Variants in KLF8 observed in about 807,000 individuals in gnomAD.
KLF8 encodes KLF transcription factor 8.
KLF8 carries 10 observed loss-of-function variants against 18.2 expected under a neutral mutation model. That is an observed-to-expected ratio of 0.55 (90% CI 0.34 to 0.93). The LOEUF is 0.93. KLF8 is among the 40% of genes least tolerant of loss of function. The pLI, the probability that KLF8 is intolerant of heterozygous loss-of-function variation, is 0.02. For missense variants in KLF8, 264 were observed against 277.9 expected, an observed-to-expected ratio of 0.95 and a Z score of 0.36; for synonymous variants, 109 against 97.3, an observed-to-expected ratio of 1.12 and a Z score of -0.71.
chrX:55,939,924 C>A, the KLF8 span, among the ~76,000 whole-genome samples: 1 of 111,850 alleles, frequency 8.9e-6, no homozygotes, highest in African/African-American at 3.2e-5. Context: ...CAGATGGATT[C>A]ACAGCCGAAT....
At chrX:56,195,049 G>T in the KLF8 span, among the ~76,000 whole-genome samples, 3 of 111,959 alleles carry the variant, frequency 2.7e-5, no homozygotes, top group East Asian at 2.8e-4. Context: ...CAACAAAAAG[G>T]TCATCTACAT....
chrX:56,084,140 G>A, the KLF8 span, among the ~76,000 whole-genome samples: 1 of 111,525 alleles, frequency 9.0e-6, no homozygotes, highest in African/African-American at 3.3e-5. Flanking sequence ...TAGCACTTTG[G>A]AAGGCTGAAG....
At chrX:56,083,272 T>C in the KLF8 span, among the ~76,000 whole-genome samples, 3 of 112,300 alleles carry the variant, frequency 2.7e-5, no homozygotes, top group African/African-American at 6.5e-5. Context: ...ACAAAAGTTA[T>C]GAGGTTCATT....
At chrX:56,053,544 G>GTTTTTTTTTTT in the KLF8 span, among the ~76,000 whole-genome samples, 6 of 68,696 alleles carry the variant, frequency 8.7e-5, 1 homozygote, top group East Asian at 4.4e-4. Context: ...TCTTTTCTTT[G>GTTTTTTTTTTT]TTTTTTTTTT....
At chrX:56,211,364 C>A in the KLF8 span, among the ~76,000 whole-genome samples, 1 of 112,623 alleles carries the variant, frequency 8.9e-6, no homozygotes, top group African/African-American at 3.2e-5. Flanking sequence ...TCTTCCCTTA[C>A]TTTCTCCCAA....
chrX:55,975,603 C>T, the KLF8 span, among the ~76,000 whole-genome samples: 40 of 111,004 alleles, frequency 3.6e-4, no homozygotes, highest in African/African-American at 9.2e-4. Flanking sequence ...TCTCATGTTT[C>T]GCAAAATAGT....
At chrX:56,199,150 A>G in the KLF8 span, among the ~76,000 whole-genome samples, 1 of 112,193 alleles carries the variant, frequency 8.9e-6, no homozygotes, top group African/African-American at 3.2e-5. Context: ...AAGAAAACCT[A>G]GGCAATACCA....
chrX:56,234,410 T>A, intron 1 of KLF8, among the ~76,000 whole-genome samples: 1 of 112,000 alleles, frequency 8.9e-6, no homozygotes, highest in Non-Finnish European at 1.9e-5. Flanking sequence ...ATCTTGTGTA[T>A]GTGGCAGAGG....
At chrX:56,212,303 C>T in the KLF8 span, among the ~76,000 whole-genome samples, 2 of 110,850 alleles carry the variant, frequency 1.8e-5, no homozygotes, top group Non-Finnish European at 3.8e-5. Context: ...GATGCTTACA[C>T]TCCCTTGGCT....
the KLF8 span, among the ~76,000 whole-genome samples, chrX:56,226,193 G>A: frequency 1.8e-5 from 2 of 111,802 alleles, no homozygotes; most frequent in South Asian, 3.8e-4. Flanking sequence ...ATTGATTTCG[G>A]GGTTAGACTC....
chrX:56,216,245 C>T, the KLF8 span, among the ~76,000 whole-genome samples: 3 of 111,182 alleles, frequency 2.7e-5, no homozygotes, highest in African/African-American at 9.8e-5. Context: ...TAATTTGCCA[C>T]ATCCCCTTCC....
chrX:56,085,818 T>TG, the KLF8 span, among the ~76,000 whole-genome samples: 1 of 112,033 alleles, frequency 8.9e-6, no homozygotes, highest in Admixed American at 9.5e-5. Flanking sequence ...TCAAGAAATA[T>TG]CTGAGCTCAG....
At chrX:56,041,290 A>T in the KLF8 span, among the ~76,000 whole-genome samples, 8 of 109,647 alleles carry the variant, frequency 7.3e-5, no homozygotes, top group African/African-American at 2.7e-4. Flanking sequence ...TGCCCAGCTA[A>T]TTTTTGTATT....
At chrX:55,977,828 C>A in the KLF8 span, among the ~76,000 whole-genome samples, 1 of 110,929 alleles carries the variant, frequency 9.0e-6, no homozygotes, top group African/African-American at 3.3e-5. Context: ...GCAGGGAGAC[C>A]TTTTGGAAGG....
At chrX:56,066,595 G>A in the KLF8 span, among the ~76,000 whole-genome samples, 2 of 111,972 alleles carry the variant, frequency 1.8e-5, no homozygotes, top group Non-Finnish European at 3.8e-5. Context: ...TTGTACATGT[G>A]TGTTGGTCCT....
chrX:56,117,390 T>C, the KLF8 span, among the ~76,000 whole-genome samples: 4 of 111,620 alleles, frequency 3.6e-5, no homozygotes, highest in South Asian at 3.8e-4. Context: ...TTAGACAAAA[T>C]TGAGGTTTTG....
chrX:56,211,417 G>A, the KLF8 span, among the ~76,000 whole-genome samples: 1 of 112,490 alleles, frequency 8.9e-6, no homozygotes. Flanking sequence ...TCTAAAGCTG[G>A]GAGTGGAGTG....
the KLF8 span, among the ~76,000 whole-genome samples, chrX:55,977,229 C>G: frequency 1.8e-5 from 2 of 111,439 alleles, no homozygotes; most frequent in South Asian, 7.5e-4. Flanking sequence ...AGCTTTTCAC[C>G]GTTGGGTATG....
At chrX:56,246,542 A>G (rs1163809973) in intron 1 of KLF8, among the ~76,000 whole-genome samples, 1 of 111,649 alleles carries the variant, frequency 9.0e-6, no homozygotes, top group African/African-American at 3.3e-5. Flanking sequence ...AGGAGGCTGG[A>G]AAAACTTTGC....
Sources: allele counts gnomAD v4.1 joint callset (sites outside exome capture counted in the v4.1 genomes callset), GRCh38; gene constraint gnomAD v4.1.1; transcripts MANE v1.5; gene names NCBI Gene and HGNC (gene_info 2026-07-23, HGNC 2026-07-21).